NKAIN3: variants seen among roughly 807,000 people sequenced by gnomAD.
NKAIN3 encodes the protein sodium/potassium transporting ATPase interacting 3.
NKAIN3 carries 25 observed loss-of-function variants against 30.2 expected under a neutral mutation model. The ratio of observed to expected loss-of-function variants is 0.83; its 90% CI spans 0.60 to 1.16. The LOEUF (loss-of-function observed/expected upper bound fraction) is 1.16, where lower values mean the gene tolerates loss of function less well. Among genes scored for constraint, NKAIN3 ranks in the 50% most tolerant of loss-of-function variants. The pLI is 0.00. For synonymous variants in NKAIN3, 91 were observed against 89.6 expected (o/e 1.02, Z -0.09); for missense variants, 225 against 254.1 (o/e 0.89, Z 0.78).
intron 1 of NKAIN3, among the ~76,000 whole-genome samples, chr8:62,369,121 G>A (rs1333133185): frequency 7.2e-5 from 11 of 151,950 alleles, no homozygotes; most frequent in Admixed American, 7.2e-4. Flanking sequence ...CCTTTGTTGA[G>A]TTCTTTTTAA....
At chr8:62,252,012 C>T (rs998931743) in intron 1 of NKAIN3, among the ~76,000 whole-genome samples, 1 of 152,134 alleles carries the variant, frequency 6.6e-6, no homozygotes, top group East Asian at 1.9e-4. Flanking sequence ...ACAACTGGCT[C>T]ACAAAATTCC....
chr8:62,946,059 A>G (rs928036671), intron 5 of NKAIN3, among the ~76,000 whole-genome samples: 3 of 152,204 alleles, frequency 2.0e-5, no homozygotes, highest in Non-Finnish European at 4.4e-5. Context: ...TGAGCATTTC[A>G]TTGGTCCCAT....
chr8:62,856,615 T>C lies in NKAIN3; in HGVS notation c.472-61838T>C. 4 of 778,360 alleles carry C rather than the reference T, an allele frequency of 5.1e-6. No homozygotes were observed. In the East Asian group the frequency reaches 9.8e-5, roughly 19 times the overall value. 48.2% of individuals were successfully genotyped at this position (778,360 alleles called of 1,614,324 possible). A position where few individuals can be genotyped will look rare whatever the true frequency, so the allele number is the denominator to read the frequency against. ...AGCATGATCTTGTTATGACTCATCA[T>C]GAACTGGACATCACTAAAGAGGTTG... On this transcript the variant is annotated intron_variant, in intron 4 of 6. Transcript: ENST00000623646.
At chr8:62,518,474 G>A (rs1316117591) in intron 1 of NKAIN3, among the ~76,000 whole-genome samples, 1 of 152,094 alleles carries the variant, frequency 6.6e-6, no homozygotes, top group African/African-American at 2.4e-5. Flanking sequence ...AGTATTAATA[G>A]TAATAGTGCC....
At chr8:62,403,789 T>G (rs904947987) in intron 1 of NKAIN3, among the ~76,000 whole-genome samples, 1 of 152,220 alleles carries the variant, frequency 6.6e-6, no homozygotes, top group Non-Finnish European at 1.5e-5. Flanking sequence ...CACAAAGTCC[T>G]CACTGGGGCA....
At position 62,300,063 on chromosome 8, in the gene NKAIN3, G is replaced by A. The variant is rs372343476; in HGVS notation, c.54+50936G>A. 1.9e-3 allele frequency among the ~76,000 whole-genome samples: 289 copies of A among 152,044 alleles called. 1 individual carries two copies. Among genetic ancestry groups the A allele is most frequent in the African/African-American group, 6.1e-3 (252 of 41,502 alleles). The stretch of plus-strand genomic sequence containing the variant: ...ACTTGAATGGCTAAAGGATTTTCAC[G>A]TCCTATAGTAGCTGTAACAGATCGA... On this transcript the variant is annotated intron_variant, in intron 1 of 6. Coordinates refer to ENST00000623646, the MANE Select transcript of NKAIN3 (RefSeq NM_001304533.3).
intron 3 of NKAIN3, among the ~76,000 whole-genome samples, chr8:62,715,739 A>G (rs73266943): frequency 0.018 from 2,747 of 152,262 alleles, 67 homozygotes; most frequent in African/African-American, 0.057. Flanking sequence ...ATTTAATTAA[A>G]TTGCTGCCTG....
At chr8:62,831,951 A>G (rs1819210125) in intron 4 of NKAIN3, among the ~76,000 whole-genome samples, 1 of 152,146 alleles carries the variant, frequency 6.6e-6, no homozygotes, top group Non-Finnish European at 1.5e-5. Flanking sequence ...GAACAATCTT[A>G]AAGGCAGCTT....
chr8:62,728,684 A>G (rs1234350572), intron 3 of NKAIN3, among the ~76,000 whole-genome samples: 1 of 150,488 alleles, frequency 6.6e-6, no homozygotes, highest in African/African-American at 2.5e-5. Context: ...AAAAAACAAA[A>G]CAAAACAAAA....
chr8:62,278,320 A>G (rs1297631455), intron 1 of NKAIN3, among the ~76,000 whole-genome samples: 1 of 152,130 alleles, frequency 6.6e-6, no homozygotes, highest in Non-Finnish European at 1.5e-5. Context: ...GAATGAAGCA[A>G]AGTAGACCCA....
At chr8:62,810,435 T>C (rs1279174087) in intron 4 of NKAIN3, among the ~76,000 whole-genome samples, 1 of 152,084 alleles carries the variant, frequency 6.6e-6, no homozygotes, top group Non-Finnish European at 1.5e-5. Flanking sequence ...CCTGGACCCT[T>C]GATCTGATTC....
intron 3 of NKAIN3, among the ~76,000 whole-genome samples, chr8:62,612,267 A>G (rs989621907): frequency 6.6e-6 from 1 of 151,958 alleles, no homozygotes; most frequent in East Asian, 1.9e-4. Context: ...AGCTCTAATA[A>G]TATTTCCTTT....
intron 3 of NKAIN3, among the ~76,000 whole-genome samples, chr8:62,739,952 C>A (rs1025158270): frequency 6.6e-6 from 1 of 152,136 alleles, no homozygotes; most frequent in Non-Finnish European, 1.5e-5. Context: ...ATGACAGACA[C>A]TCCTAATGAA....
intron 4 of NKAIN3, among the ~76,000 whole-genome samples, chr8:62,809,502 C>T (rs1442741061): frequency 6.6e-6 from 1 of 152,174 alleles, no homozygotes; most frequent in Non-Finnish European, 1.5e-5. Context: ...TTCAGCCAGT[C>T]CCTCTTTTTG....
chr8:62,589,645 T>C (rs1810588779), intron 2 of NKAIN3, 69 bp from the exon 3 acceptor site: 2 of 653,188 alleles, frequency 3.1e-6, no homozygotes, highest in Admixed American at 5.1e-5. Context: ...TTATTATTGA[T>C]TTATTTGATA....
rs73269435 is a variant in NKAIN3 at position 62,537,468 on chromosome 8, C to T, written c.55-42071C>T. The stretch of plus-strand genomic sequence containing the variant: ...TGGGGATCTAAAGCATTTTACACTG[C>T]TGCAAGGTGCCCAGAAAGTTTTAAA... On this transcript the variant is annotated intron_variant, in intron 1 of 6. Transcript: ENST00000623646. 1.9e-3 allele frequency among the ~76,000 whole-genome samples: 283 copies of T among 152,276 alleles called. 1 individual carries two copies. The highest frequency in any genetic ancestry group is 6.4e-3 in the African/African-American group (268 of 41,566).
At chr8:62,936,663 C>T (rs986039765) in intron 5 of NKAIN3, among the ~76,000 whole-genome samples, 3 of 152,154 alleles carry the variant, frequency 2.0e-5, no homozygotes, top group Non-Finnish European at 4.4e-5. Context: ...CATTATCCAT[C>T]TTTAATGTCC....
intron 3 of NKAIN3, among the ~76,000 whole-genome samples, chr8:62,639,613 T>C (rs971909971): frequency 3.9e-5 from 6 of 152,094 alleles, no homozygotes; most frequent in Non-Finnish European, 8.8e-5. Flanking sequence ...GAGGTTGTTG[T>C]TGAGAAAAAG....
At chr8:62,898,504 G>A (rs1249721397) in intron 4 of NKAIN3, among the ~76,000 whole-genome samples, 2 of 152,136 alleles carry the variant, frequency 1.3e-5, no homozygotes, top group Non-Finnish European at 2.9e-5. Flanking sequence ...TGGGAGCTAA[G>A]CTATGGGTAC....
Sources: allele counts gnomAD v4.1 joint callset (sites outside exome capture counted in the v4.1 genomes callset), GRCh38; gene constraint gnomAD v4.1.1; transcripts MANE v1.5; gene names NCBI Gene and HGNC (gene_info 2026-07-23, HGNC 2026-07-21).